Variants in JAZF1 observed in about 807,000 individuals in gnomAD.
JAZF1 encodes JAZF zinc finger 1.
A neutral mutation model predicts 26.4 loss-of-function variants in JAZF1; 8 were observed. That is an observed-to-expected ratio of 0.30 (90% CI 0.18 to 0.55). The LOEUF (loss-of-function observed/expected upper bound fraction) is 0.55, where lower values mean the gene tolerates loss of function less well. JAZF1 is among the 20% of genes least tolerant of loss of function. The pLI, the probability that JAZF1 is intolerant of heterozygous loss-of-function variation, is 0.94. For synonymous variants in JAZF1, 126 were observed against 122.3 expected (o/e 1.03, Z -0.20); for missense variants, 199 against 322.0 (o/e 0.62, Z 2.92).
At chr7:27,894,356 G>A (rs1016497700) in intron 3 of JAZF1, among the ~76,000 whole-genome samples, 1 of 152,200 alleles carries the variant, frequency 6.6e-6, no homozygotes, top group African/African-American at 2.4e-5. Flanking sequence ...CTTGAGACAT[G>A]TAAGTCTACC....
intron 3 of JAZF1, among the ~76,000 whole-genome samples, chr7:27,861,526 A>G (rs186709318): frequency 6.8e-6 from 1 of 147,102 alleles, no homozygotes; most frequent in Admixed American, 6.9e-5. Flanking sequence ...ACCTGTTTTA[A>G]TTTCCAAAGA....
chr7:27,879,403 A>G (rs1451838948), intron 3 of JAZF1, among the ~76,000 whole-genome samples: 2 of 152,198 alleles, frequency 1.3e-5, no homozygotes, highest in African/African-American at 4.8e-5. Context: ...CCATGCTCCT[A>G]TCACCTGAGC....
chr7:28,022,535 A>T (rs1783023840), intron 1 of JAZF1, among the ~76,000 whole-genome samples: 1 of 152,224 alleles, frequency 6.6e-6, no homozygotes, highest in Non-Finnish European at 1.5e-5. Flanking sequence ...TTGTTGATCA[A>T]AAATAACAGA....
At chr7:28,011,273 T>C (rs935753345) in intron 1 of JAZF1, among the ~76,000 whole-genome samples, 4 of 152,220 alleles carry the variant, frequency 2.6e-5, no homozygotes, top group African/African-American at 7.2e-5. Context: ...TATTCAATTA[T>C]AGTCTCTTGA....
intron 2 of JAZF1, among the ~76,000 whole-genome samples, chr7:27,938,982 C>T (rs988824555): frequency 7.2e-5 from 11 of 152,106 alleles, no homozygotes; most frequent in Admixed American, 6.6e-4. Context: ...CTGATTTCTG[C>T]CCCCTTCAGG....
chr7:27,913,481 A>G (rs760816930), intron 2 of JAZF1: 2 of 390,356 alleles, frequency 5.1e-6, no homozygotes, highest in South Asian at 3.7e-5. Flanking sequence ...TGGGGAACAA[A>G]GAGACCCCAC....
intron 3 of JAZF1, among the ~76,000 whole-genome samples, chr7:27,886,069 G>C (rs1396500863): frequency 6.6e-6 from 1 of 152,184 alleles, no homozygotes; most frequent in Non-Finnish European, 1.5e-5. Context: ...AGGGTATCTT[G>C]AAAGCAGAGC....
At chr7:27,888,787 A>G (rs1015881438) in intron 3 of JAZF1, among the ~76,000 whole-genome samples, 2 of 152,176 alleles carry the variant, frequency 1.3e-5, no homozygotes, top group Non-Finnish European at 2.9e-5. Flanking sequence ...AAACCTAAAA[A>G]TTGGTTTAAT....
intron 1 of JAZF1, among the ~76,000 whole-genome samples, chr7:28,059,183 T>C (rs907044185): frequency 3.3e-5 from 5 of 151,044 alleles, no homozygotes; most frequent in Non-Finnish European, 7.4e-5. Flanking sequence ...TCAATTCCAT[T>C]ATTAATTTAC....
intron 1 of JAZF1, among the ~76,000 whole-genome samples, chr7:28,119,999 A>T (rs142114085): frequency 1.3e-5 from 2 of 152,284 alleles, no homozygotes; most frequent in African/African-American, 4.8e-5. Flanking sequence ...AGCAAGACAG[A>T]TGTAGTCTTT....
intron 1 of JAZF1, among the ~76,000 whole-genome samples, chr7:28,114,670 T>C (rs1784714374): frequency 6.6e-6 from 1 of 150,576 alleles, no homozygotes; most frequent in Admixed American, 6.7e-5. Context: ...AAAAGGAACA[T>C]GACATGGGTT....
At chr7:27,984,845 A>G (rs928538016) in intron 2 of JAZF1, among the ~76,000 whole-genome samples, 5 of 152,178 alleles carry the variant, frequency 3.3e-5, no homozygotes, top group African/African-American at 1.2e-4. Context: ...ATCTGCTCCT[A>G]AATGACTACT....
intron 4 of JAZF1, among the ~76,000 whole-genome samples, chr7:27,833,499 G>A (rs3823945): frequency 0.039 from 5,909 of 152,200 alleles, 198 homozygotes; most frequent in African/African-American, 0.086. Flanking sequence ...CAGAGTTTTT[G>A]TCAGTTTTCT....
At chr7:27,911,136 A>G (rs979697485) in intron 2 of JAZF1, among the ~76,000 whole-genome samples, 7 of 152,222 alleles carry the variant, frequency 4.6e-5, no homozygotes, top group Non-Finnish European at 1.0e-4. Flanking sequence ...GATTTAATCC[A>G]TAGCGTTTTT....
intron 2 of JAZF1, among the ~76,000 whole-genome samples, chr7:27,966,898 G>A (rs768611211): frequency 5.9e-5 from 9 of 152,260 alleles, no homozygotes; most frequent in African/African-American, 1.7e-4. Flanking sequence ...TAACTTTCCA[G>A]CTGCTTCAAC....
intron 1 of JAZF1, among the ~76,000 whole-genome samples, chr7:28,161,948 G>T (rs914214743): frequency 6.6e-6 from 1 of 152,028 alleles, no homozygotes; most frequent in Non-Finnish European, 1.5e-5. Flanking sequence ...CAGCCTTTCC[G>T]AGAGGGTCAA....
chr7:27,865,540 C>A (rs1783457907), intron 3 of JAZF1, among the ~76,000 whole-genome samples: 1 of 152,132 alleles, frequency 6.6e-6, no homozygotes, highest in Non-Finnish European at 1.5e-5. Flanking sequence ...AAAGAACCAA[C>A]ATTTAACCCA....
At chr7:27,884,749 T>C (rs1187128235) in intron 3 of JAZF1, among the ~76,000 whole-genome samples, 2 of 152,212 alleles carry the variant, frequency 1.3e-5, no homozygotes, top group East Asian at 1.9e-4. Context: ...TACCCATTTA[T>C]CTGTGGATGA....
intron 1 of JAZF1, among the ~76,000 whole-genome samples, chr7:28,024,566 G>A (rs1783061617): frequency 1.3e-5 from 2 of 152,174 alleles, no homozygotes; most frequent in Non-Finnish European, 2.9e-5. Flanking sequence ...AAACAGGTAT[G>A]AGAACACTAG....
Sources: allele counts gnomAD v4.1 joint callset (sites outside exome capture counted in the v4.1 genomes callset), GRCh38; gene constraint gnomAD v4.1.1; transcripts MANE v1.5; gene names NCBI Gene and HGNC (gene_info 2026-07-23, HGNC 2026-07-21).